The following RTN3 variants were observed in gnomAD, a reference collection of about 807,000 sequenced individuals.
The protein encoded by RTN3 is reticulon 3.
RTN3 carries 49 observed loss-of-function variants against 77.8 expected under a neutral mutation model. That is an observed-to-expected ratio of 0.63 (90% CI 0.50 to 0.80). RTN3 has a LOEUF of 0.80. Among genes scored for constraint, RTN3 ranks in the 30% least tolerant of loss-of-function variants. RTN3 has a pLI of 0.00. For synonymous variants in RTN3, 464 were observed against 446.9 expected, an observed-to-expected ratio of 1.04 and a Z score of -0.48; for missense variants, 1,236 against 1,211.9, an observed-to-expected ratio of 1.02 and a Z score of -0.29.
chr11:63,703,663 C>G (rs1375786495), intron 1 of RTN3, among the ~76,000 whole-genome samples: 1 of 151,514 alleles, frequency 6.6e-6, no homozygotes, highest in East Asian at 1.9e-4. Context: ...CTGCCTCAGC[C>G]TCCCGAGTAG....
At chr11:63,712,257 A>G (rs1212502708) in intron 2 of RTN3, among the ~76,000 whole-genome samples, 1 of 152,220 alleles carries the variant, frequency 6.6e-6, no homozygotes, top group Admixed American at 6.5e-5. Context: ...GTAAAAAGGC[A>G]TGTGGTCTGG....
chr11:63,734,992 A>G (rs935395758), intron 3 of RTN3, among the ~76,000 whole-genome samples: 2 of 152,104 alleles, frequency 1.3e-5, no homozygotes, highest in Admixed American at 6.6e-5. Context: ...ACAAAACTCA[A>G]TTTTGTTGTT....
At chr11:63,712,419 A>G (rs1180639702) in intron 2 of RTN3, among the ~76,000 whole-genome samples, 1 of 151,772 alleles carries the variant, frequency 6.6e-6, no homozygotes, top group African/African-American at 2.4e-5. Flanking sequence ...TCCCATTTTG[A>G]TGAGATTGGA....
In RTN3 at chr11:63,758,339, T is replaced by C. The variant is rs768211632; in HGVS notation, c.*138T>C. ...GCTTTTTTTTTAATTTGGTGTTTTC[T>C]CCCATCCTTTCCCTTTAACCCTCAG... On this transcript the variant is annotated 3_prime_UTR_variant, in exon 9 of 9. Transcript: ENST00000377819. 8.7e-6 allele frequency: 14 copies of C among 1,610,734 alleles called. 1 individual carries two copies. The South Asian group carries it at 1.5e-4, about 18-fold the overall frequency.
Position 63,681,795 on chromosome 11 carries a change from G to A in RTN3, c.142+17G>A. 3.2e-6 allele frequency: 5 copies of A among 1,543,954 alleles called. No individual in the cohort carries two copies. The highest frequency in any genetic ancestry group is 2.1e-5 in the Admixed American group (1 of 47,900). ...CCTGTGCGGGTAAGGCGCGCGGGGA[G>A]CCCCCGCCCTGGGAAAGAGGGCGAG... On this transcript the variant is annotated intron_variant, in intron 1 of 8. Coordinates refer to ENST00000377819, the MANE Select transcript of RTN3 (RefSeq NM_001265589.2).
At chr11:63,707,428 T>C (rs981752247) in intron 2 of RTN3, among the ~76,000 whole-genome samples, 1 of 152,162 alleles carries the variant, frequency 6.6e-6, no homozygotes, top group Non-Finnish European at 1.5e-5. Context: ...AGTTTCACAG[T>C]GTGTATTAGA....
rs1347172362 is a variant in RTN3, at chr11:63,759,603, T to C, written c.*1402T>C. 6.6e-6 allele frequency: 1 copy of C among 152,632 alleles called. No individual in the cohort carries two copies. Among genetic ancestry groups the C allele is most frequent in the East Asian group, 1.9e-4 (1 of 5,204 alleles). 9.5% of individuals were successfully genotyped at this position (152,632 alleles called of 1,614,324 possible). ...CTCTGCCCTCCCAGGAAGTCAGTGA[T>C]TGTCTTTTTGGGCTTCCCCTCCAAA... On this transcript the variant is annotated 3_prime_UTR_variant, in exon 9 of 9. Transcript: ENST00000377819.
chr11:63,754,176 A>T (rs1039127558), intron 7 of RTN3, among the ~76,000 whole-genome samples: 3 of 151,830 alleles, frequency 2.0e-5, no homozygotes, highest in Non-Finnish European at 2.9e-5. Context: ...AAGATAGGAG[A>T]ATCTACTTGA....
At position 63,719,168 on chromosome 11, in the gene RTN3, C is replaced by T; in HGVS notation, c.666C>T (p.Gly222=). 6.2e-7 allele frequency: 1 copy of T among 1,614,114 alleles called. No homozygotes were observed. The highest frequency in any genetic ancestry group is 8.5e-7 in the Non-Finnish European group (1 of 1,179,998). ...KPPTEYSKVE[G]IYTYSLSPSK... is the part of the protein sequence containing the mutation. ...CTACTGAGTACTCTAAGGTAGAAGG[C>T]ATTTATACATATTCTTTGTCTCCAT... The change falls in exon 3 of 9, where the codon GGC becomes GGT. Residue 222 remains glycine (G), a synonymous_variant. Transcript: ENST00000377819.
At chr11:63,705,035 G>A (rs1465951648) in intron 2 of RTN3, 128 bp downstream of exon 2, 1 of 761,090 alleles carries the variant, frequency 1.3e-6, no homozygotes, top group African/African-American at 1.7e-5. Context: ...ATTACAAGCT[G>A]ATTCTTTCTA....
intron 1 of RTN3, among the ~76,000 whole-genome samples, chr11:63,693,360 G>C (rs533351485): frequency 2.0e-5 from 3 of 152,088 alleles, no homozygotes; most frequent in Non-Finnish European, 2.9e-5. Flanking sequence ...GCACATGCCT[G>C]TAATCCCAGC....
intron 2 of RTN3, among the ~76,000 whole-genome samples, chr11:63,716,132 C>T (rs2011384178): frequency 6.6e-6 from 1 of 152,196 alleles, no homozygotes; most frequent in South Asian, 2.1e-4. Flanking sequence ...AACCAGATTA[C>T]AGTTATACTA....
chr11:63,713,109 A>C (rs1026627044), intron 2 of RTN3, among the ~76,000 whole-genome samples: 2 of 152,110 alleles, frequency 1.3e-5, no homozygotes, highest in Non-Finnish European at 2.9e-5. Flanking sequence ...AAAATATAAA[A>C]GAATTTTTTA....
chr11:63,724,203 GAC>G (rs2012045294), intron 3 of RTN3, among the ~76,000 whole-genome samples: 1 of 84,758 alleles, frequency 1.2e-5, no homozygotes, highest in East Asian at 3.7e-4. Flanking sequence ...TTTTTTTTGA[GAC>G]AGAGTCTCGC....
chr11:63,697,450 T>C (rs925510399), intron 1 of RTN3, among the ~76,000 whole-genome samples: 2 of 147,704 alleles, frequency 1.4e-5, no homozygotes, highest in Admixed American at 7.0e-5. Context: ...AGCTGGGATA[T>C]GTGCCACCAC....
In RTN3 at chr11:63,696,918, T is replaced by C. The variant is rs550598398; in HGVS notation, c.143-7933T>C. Reference sequence around the variant, plus strand: ...TTTTTTTTTTGAGATGGAGTCTTGCTCTGTCGCCCAGGCTGGAGTGCAGTG... The same window carrying C: ...TTTTTTTTTTGAGATGGAGTCTTGCCCTGTCGCCCAGGCTGGAGTGCAGTG... On this transcript the variant is annotated intron_variant, in intron 1 of 8. Transcript: ENST00000377819. Among the ~76,000 whole-genome samples, 10 of 135,990 alleles carry C rather than the reference T, an allele frequency of 7.4e-5. 1 individual carries two copies. The South Asian group carries it at 2.6e-3, about 35-fold the overall frequency. 89.2% of individuals were successfully genotyped at this position (135,990 alleles called of 152,430 possible).
chr11:63,707,499 A>G (rs1382952195), intron 2 of RTN3, among the ~76,000 whole-genome samples: 1 of 152,146 alleles, frequency 6.6e-6, no homozygotes. Context: ...TTTTTGACCA[A>G]TGTAGATTGA....
intron 3 of RTN3, among the ~76,000 whole-genome samples, chr11:63,746,148 G>C (rs1268221380): frequency 1.3e-5 from 2 of 152,226 alleles, no homozygotes; most frequent in Middle Eastern, 6.8e-3. Flanking sequence ...CTAGGCACAT[G>C]TCGTCTTTAT....
At chr11:63,703,539 TA>T (rs372963366) in intron 1 of RTN3, among the ~76,000 whole-genome samples, 18 of 152,024 alleles carry the variant, frequency 1.2e-4, no homozygotes, top group African/African-American at 2.4e-4. Flanking sequence ...TTCATACACA[TA>T]TTTTTTTTCT....
Sources: gnomAD v4.1 joint callset for allele counts (sites outside exome capture counted in the v4.1 genomes callset) on GRCh38, gnomAD v4.1.1 for gene constraint, MANE v1.5 for transcripts, NCBI Gene and HGNC (gene_info 2026-07-23, HGNC 2026-07-21) for gene names.